WARS1: variants seen among roughly 807,000 people sequenced by gnomAD.
The protein encoded by WARS1 is tryptophan--tRNA ligase, cytoplasmic.
A neutral mutation model predicts 47.8 loss-of-function variants in WARS1; 17 were observed. That is an observed-to-expected ratio of 0.36 (90% CI 0.24 to 0.53). The LOEUF (loss-of-function observed/expected upper bound fraction) is 0.53. Ranked by LOEUF, WARS1 falls within the 20% of genes least tolerant of loss-of-function variation. The pLI, the probability that WARS1 is intolerant of heterozygous loss-of-function variation, is 0.91. For missense variants in WARS1, 434 were observed against 608.0 expected, an observed-to-expected ratio of 0.71 and a Z score of 3.01; for synonymous variants, 208 against 228.1, an observed-to-expected ratio of 0.91 and a Z score of 0.79.
rs775081453 is a variant in WARS1, at chr14:100,337,206, C to T, written c.1114-4G>A. On this transcript the variant is annotated splice_polypyrimidine_tract_variant and splice_region_variant and intron_variant, in intron 9 of 10. Transcript: ENST00000392882. ...CAGAAAACGCATGCTTATTGACCTG[C>T]ACCAGAAGAGGACACAGACACGCTC... is the stretch of plus-strand genomic sequence containing the variant. 2 of 1,613,482 alleles carry T rather than the reference C, an allele frequency of 1.2e-6. No individual in the cohort carries two copies. The highest frequency in any genetic ancestry group is 2.2e-5 in the East Asian group (1 of 44,864).
intron 6 of WARS1, among the ~76,000 whole-genome samples, chr14:100,352,108 C>CTTTTTTTTTT (rs1172421175): frequency 5.3e-5 from 5 of 94,244 alleles, no homozygotes; most frequent in Non-Finnish European, 5.9e-5. Flanking sequence ...CAGTTTCTTT[C>CTTTTTTTTTT]TTTTTTTTTT....
rs1045628361 is a variant in WARS1, at chr14:100,350,670, G to A, written c.725+3017C>T. On this transcript the variant is annotated intron_variant, in intron 6 of 10. Coordinates refer to ENST00000392882, the MANE Select transcript of WARS1 (RefSeq NM_004184.4). ...ACCACCAGCATTTATATCCATCAAC[G>A]AAGCGGCTCAGCTTTGCTTCTGCTG... Among the ~76,000 whole-genome samples, 14 of 152,166 alleles carry A rather than the reference G, an allele frequency of 9.2e-5. No homozygotes were observed. The South Asian group carries it at 2.3e-3, about 25-fold the overall frequency.
chr14:100,364,859 T>G (rs1335026811), intron 2 of WARS1, among the ~76,000 whole-genome samples: 2 of 152,248 alleles, frequency 1.3e-5, no homozygotes, highest in Non-Finnish European at 2.9e-5. Context: ...TATTTTATAA[T>G]TTTGTTTTAA....
In WARS1 at chr14:100,337,200, G is replaced by T; in HGVS notation, c.1116C>A (p.Val372=). The T allele has an allele frequency of 1.2e-6, 2 of 1,613,904 alleles. No individual in the cohort carries two copies. Among genetic ancestry groups the T allele is most frequent in the South Asian group, 2.2e-5 (2 of 91,070 alleles). ...TDTAKQIKTK[V]NKHAFSGGRD... The stretch of plus-strand genomic sequence containing the variant: ...TCCCTCCAGAAAACGCATGCTTATT[G>T]ACCTGCACCAGAAGAGGACACAGAC... Residue 372 remains valine, a splice_region_variant and synonymous_variant, in exon 10 of 11, where the codon GTC becomes GTA. Transcript: ENST00000392882.
At chr14:100,352,113 T>C (rs1438490512) in intron 6 of WARS1, among the ~76,000 whole-genome samples, 1 of 128,312 alleles carries the variant, frequency 7.8e-6, no homozygotes, top group African/African-American at 3.2e-5. Flanking sequence ...TCTTTCTTTT[T>C]TTTTTTTTTT....
intron 7 of WARS1, 150 bp downstream of exon 7, chr14:100,346,596 G>A: frequency 1.6e-6 from 1 of 617,094 alleles, no homozygotes. Context: ...GGACAACGAT[G>A]ACCCACCCAC....
At chr14:100,367,880 A>C (rs1896103584) in intron 2 of WARS1, among the ~76,000 whole-genome samples, 1 of 152,156 alleles carries the variant, frequency 6.6e-6, no homozygotes, top group Non-Finnish European at 1.5e-5. Context: ...GATGGGCAAG[A>C]TCCCCCTAGA....
intron 6 of WARS1, among the ~76,000 whole-genome samples, chr14:100,352,353 T>C (rs1258150166): frequency 6.6e-6 from 1 of 151,976 alleles, no homozygotes; most frequent in African/African-American, 2.4e-5. Context: ...CTCCTGACCT[T>C]GTGATCCACC....
intron 1 of WARS1, among the ~76,000 whole-genome samples, chr14:100,372,683 T>C (rs1335303488): frequency 6.6e-6 from 1 of 152,222 alleles, no homozygotes; most frequent in East Asian, 1.9e-4. Context: ...CCACAAATCA[T>C]CAATCATCAT....
rs1459964162 is a variant in WARS1, at chr14:100,342,598, AG to A, written c.940-28del. 2.5e-6 allele frequency: 4 copies of A among 1,581,480 alleles called. No individual in the cohort carries two copies. In the African/African-American group the frequency reaches 4.1e-5, roughly 16 times the overall value. ...TGTGGGGAGAGTAAGGACCCTGATG[AG>A]GGCGGCCAGAAAACATGCCAGCTTT... is the stretch of plus-strand genomic sequence containing the variant. On this transcript the variant is annotated intron_variant, in intron 8 of 10. Coordinates refer to ENST00000392882, the MANE Select transcript of WARS1 (RefSeq NM_004184.4).
At chr14:100,345,033 G>A (rs1415675905) in intron 7 of WARS1, among the ~76,000 whole-genome samples, 8 of 145,356 alleles carry the variant, frequency 5.5e-5, no homozygotes, top group East Asian at 2.2e-4. Context: ...CAGCCGCCCC[G>A]TCCGGGAGGG....
At chr14:100,346,976 C>T (rs1274778010) in intron 6 of WARS1, 130 bp from the exon 7 acceptor site, 14 of 759,840 alleles carry the variant, frequency 1.8e-5, no homozygotes, top group African/African-American at 3.4e-5. Context: ...GTGGTCAACA[C>T]GTAAGCACTG....
chr14:100,334,848 C>A lies in WARS1; in HGVS notation c.*27G>T. 6.2e-7 allele frequency: 1 copy of A among 1,609,854 alleles called. No homozygotes were observed. The highest frequency in any genetic ancestry group is 8.5e-7 in the Non-Finnish European group (1 of 1,176,938). On this transcript the variant is annotated 3_prime_UTR_variant, in exon 11 of 11. Coordinates refer to ENST00000392882, the MANE Select transcript of WARS1 (RefSeq NM_004184.4). Reference sequence around the variant, plus strand: ...TTGATACATTACTGATACATCACTTCTTTTATAAGCATATGTAAAACGAGT... The same window carrying A: ...TTGATACATTACTGATACATCACTTATTTTATAAGCATATGTAAAACGAGT...
intron 1 of WARS1, among the ~76,000 whole-genome samples, chr14:100,371,343 G>A (rs921354527): frequency 2.0e-5 from 3 of 151,440 alleles, no homozygotes; most frequent in African/African-American, 7.3e-5. Context: ...CCAAATACCT[G>A]GGAGGCTGAG....
At chr14:100,337,344 T>C in intron 9 of WARS1, 142 bp from the exon 10 acceptor site, 1 of 1,273,892 alleles carries the variant, frequency 7.8e-7, no homozygotes. Flanking sequence ...GCACAGCCGG[T>C]TGGGGGCGCA....
At chr14:100,357,462 G>T (rs1895392150) in intron 4 of WARS1, among the ~76,000 whole-genome samples, 1 of 151,692 alleles carries the variant, frequency 6.6e-6, no homozygotes, top group Non-Finnish European at 1.5e-5. Flanking sequence ...AACATCAATT[G>T]TATTTTTTTT....
intron 6 of WARS1, among the ~76,000 whole-genome samples, chr14:100,350,628 G>T (rs931410823): frequency 2.0e-5 from 3 of 152,154 alleles, no homozygotes; most frequent in African/African-American, 7.2e-5. Flanking sequence ...ACTATTATAG[G>T]CACTTGCTCT....
intron 9 of WARS1, chr14:100,339,689 G>C (rs1477711764): frequency 6.6e-6 from 1 of 151,990 alleles, no homozygotes; most frequent in African/African-American, 2.4e-5. Flanking sequence ...TAGTAGTGGT[G>C]TCTCCTAGCA....
intron 9 of WARS1, among the ~76,000 whole-genome samples, chr14:100,337,453 C>T (rs768662452): frequency 6.6e-6 from 1 of 152,122 alleles, no homozygotes; most frequent in Non-Finnish European, 1.5e-5. Flanking sequence ...GAGCTTTGAA[C>T]CCCCCATCCT....
Sources: allele counts gnomAD v4.1 joint callset (sites outside exome capture counted in the v4.1 genomes callset), GRCh38; gene constraint gnomAD v4.1.1; transcripts MANE v1.5; gene names NCBI Gene and HGNC (gene_info 2026-07-23, HGNC 2026-07-21).